NCKAP5L: variants seen among roughly 807,000 people sequenced by gnomAD.
NCKAP5L encodes NCK associated protein 5 like, also known as nck-associated protein 5-like.
Under a neutral mutation model 103.2 loss-of-function variants are expected in NCKAP5L, and 54 were observed. The observed-to-expected ratio is 0.52, with a 90% CI of 0.42 to 0.66. The LOEUF is 0.66. Ranked by LOEUF, NCKAP5L falls within the 30% of genes least tolerant of loss-of-function variation. The pLI is 0.00. For synonymous variants in NCKAP5L, 762 were observed against 748.6 expected (o/e 1.02, Z -0.29); for missense variants, 1,733 against 1,750.6 (o/e 0.99, Z 0.18).
At chr12:49,825,256 A>T (rs1592765242) in intron 1 of NCKAP5L, among the ~76,000 whole-genome samples, 1 of 152,214 alleles carries the variant, frequency 6.6e-6, no homozygotes, top group South Asian at 2.1e-4. Context: ...CCCAAACTCC[A>T]AGTATAGAAA....
chr12:49,814,952 T>C (rs547515947), intron 1 of NCKAP5L, among the ~76,000 whole-genome samples: 1 of 152,264 alleles, frequency 6.6e-6, no homozygotes, highest in South Asian at 2.1e-4. Context: ...ATTTGGGTTG[T>C]TTGATGTTCT....
At chr12:49,804,220 G>A (rs1233343155) in intron 2 of NCKAP5L, 140 bp from the exon 3 acceptor site, 10 of 683,692 alleles carry the variant, frequency 1.5e-5, no homozygotes, top group Non-Finnish European at 1.6e-5. Context: ...TCCTGGTCAC[G>A]GTCACGGGGC....
rs1383375286 is a variant in NCKAP5L, at chr12:49,795,984, C to A, written c.1876G>T (p.Ala626Ser). Residue 626 changes from alanine (A) to serine (S), a missense_variant, in exon 8 of 13, where the codon GCA becomes TCA. Coordinates refer to ENST00000335999, the MANE Select transcript of NCKAP5L (RefSeq NM_001037806.4). ...CCGGGATGGGGAGACTCCGAGCCTG[C>A]CTTGTCCAAACTCTTCTCTTGGGGG... ...GSPQEKSLDK[A>S]GSESPHPGRR... 2.0e-5 allele frequency: 31 copies of A among 1,537,594 alleles called. No individual in the cohort carries two copies. Among genetic ancestry groups the A allele is most frequent in the Non-Finnish European group, 2.4e-5 (28 of 1,148,804 alleles).
rs763619778 is a variant in NCKAP5L at position 49,795,977 on chromosome 12, G to A, written c.1883C>T (p.Ser628Leu). ...PQEKSLDKAG[S>L]ESPHPGRRTP... ...CCTGCGGCCGGGATGGGGAGACTCC[G>A]AGCCTGCCTTGTCCAAACTCTTCTC... The change falls in exon 8 of 13, where the codon TCG becomes TTG. Residue 628 changes from serine (S) to leucine (L), a missense_variant. Physicochemically the swap from Ser to Leu is moderately radical, Grantham distance 145. Coordinates refer to ENST00000335999, the MANE Select transcript of NCKAP5L (RefSeq NM_001037806.4). 1.9e-5 allele frequency: 29 copies of A among 1,536,148 alleles called. No individual in the cohort carries two copies. In the Admixed American group the frequency reaches 2.2e-4, roughly 12 times the overall value.
chr12:49,807,144 C>T (rs1489026787), intron 1 of NCKAP5L, among the ~76,000 whole-genome samples: 3 of 152,226 alleles, frequency 2.0e-5, no homozygotes, highest in Non-Finnish European at 4.4e-5. Context: ...CCCTCCAGCC[C>T]CAGGGCCAGC....
At chr12:49,794,410 TC>T (rs1592746691) in intron 8 of NCKAP5L, among the ~76,000 whole-genome samples, 1 of 152,128 alleles carries the variant, frequency 6.6e-6, no homozygotes, top group East Asian at 1.9e-4. Flanking sequence ...GGAAGAGGAC[TC>T]CCCTTATCCC....
rs150920859 is a variant in NCKAP5L at position 49,818,714 on chromosome 12, C to T, written c.-99+9608G>A. ...GCCAGTGGGTATACGAAAAAATGCT[C>T]GATATCACGAATCATCAGGGAAATG... On this transcript the variant is annotated intron_variant, in intron 1 of 12. Transcript: ENST00000335999. Among the ~76,000 whole-genome samples, 1,461 of 151,952 alleles carry T rather than the reference C, an allele frequency of 9.6e-3. 12 individuals carry two copies. Among genetic ancestry groups the T allele is most frequent in the Middle Eastern group, 0.02 (6 of 294 alleles).
At position 49,814,162 on chromosome 12, in the gene NCKAP5L, A is replaced by T. The variant is rs4304864; in HGVS notation, c.-98-8121T>A. 5.4e-3 allele frequency among the ~76,000 whole-genome samples: 179 copies of T among 33,108 alleles called. 1 individual carries two copies. The highest frequency in any genetic ancestry group is 0.051 in the African/African-American group (127 of 2,496). 21.7% of individuals were successfully genotyped at this position (33,108 alleles called of 152,430 possible). A position where few individuals can be genotyped will look rare whatever the true frequency, so the allele number is the denominator to read the frequency against. On this transcript the variant is annotated intron_variant, in intron 1 of 12. Coordinates refer to ENST00000335999, the MANE Select transcript of NCKAP5L (RefSeq NM_001037806.4). ...GATACAAGTCCTTTATTTTATATTT[A>T]TATATATATATATATATATGATTTG...
chr12:49,800,541 T>C (rs190353545), intron 6 of NCKAP5L, among the ~76,000 whole-genome samples: 5 of 152,246 alleles, frequency 3.3e-5, no homozygotes, highest in Non-Finnish European at 5.9e-5. Context: ...TGCCACTGAC[T>C]GACTATCTAC....
Position 49,795,113 on chromosome 12 carries a change from C to G in NCKAP5L, c.2747G>C (p.Ser916Thr), listed in dbSNP as rs779698734. Residue 916 changes from serine to threonine, a missense_variant, in exon 8 of 13, where the codon AGC (serine) becomes ACC (threonine). By Grantham distance (58) the Ser-to-Thr change is moderately conservative (BLOSUM62 1). Coordinates refer to ENST00000335999, the MANE Select transcript of NCKAP5L (RefSeq NM_001037806.4). ...CTTAAGGCCGAACCAGCTGGCGATGCTGCTGGTGTTGCGGTGCTTGACCTC... is the reference window on the plus strand; with the variant it reads ...CTTAAGGCCGAACCAGCTGGCGATGGTGCTGGTGTTGCGGTGCTTGACCTC... ...GAEVKHRNTS[S>T]IASWFGLKKS... 1.2e-6 allele frequency: 2 copies of G among 1,613,394 alleles called. No individual in the cohort carries two copies. The highest frequency in any genetic ancestry group is 1.1e-5 in the South Asian group (1 of 91,086).
chr12:49,795,159 G>C lies in NCKAP5L; in HGVS notation c.2701C>G (p.Gln901Glu). The C allele has an allele frequency of 6.2e-7, 1 of 1,607,764 alleles. No homozygotes were observed. The highest frequency in any genetic ancestry group is 8.5e-7 in the Non-Finnish European group (1 of 1,177,950). Residue 901 changes from glutamine (Q) to glutamate (E), a missense_variant, in exon 8 of 13, where the codon CAG (glutamine) becomes GAG (glutamate). Physicochemically the swap from Gln to Glu is conservative, Grantham distance 29 (BLOSUM62 2). Coordinates refer to ENST00000335999, the MANE Select transcript of NCKAP5L (RefSeq NM_001037806.4). ...IEENVLRLQG[Q>E]ERAPGAEVKH... ...ACCTCGGCGCCAGGGGCTCGCTCCT[G>C]GCCCTGGAGCCGCAGCACGTTCTCC...
rs1280058356 is a variant in NCKAP5L at position 49,796,540 on chromosome 12, A to C, written c.1320T>G (p.Ser440=). The C allele has an allele frequency of 5.7e-6, 9 of 1,584,616 alleles. No individual in the cohort carries two copies. In the South Asian group the frequency reaches 1.0e-4, roughly 18 times the overall value. Residue 440 remains serine, a synonymous_variant, in exon 8 of 13, where the codon TCT becomes TCG. Transcript: ENST00000335999. ...VKSKLQIGPP[S]PGEAQGPLLP... Reference sequence around the variant, plus strand: ...GAAGGGGTCCCTGAGCTTCCCCAGGAGAAGGGGGGCCAATTTGGAGCTTGC... The same window carrying C: ...GAAGGGGTCCCTGAGCTTCCCCAGGCGAAGGGGGGCCAATTTGGAGCTTGC...
At chr12:49,821,344 C>T (rs549748408) in intron 1 of NCKAP5L, among the ~76,000 whole-genome samples, 29 of 152,020 alleles carry the variant, frequency 1.9e-4, no homozygotes, top group Middle Eastern at 3.2e-3. Context: ...AAATAGAAGA[C>T]GATGTGATGC....
intron 3 of NCKAP5L, 83 bp downstream of exon 3, chr12:49,803,839 G>T: frequency 6.6e-7 from 1 of 1,521,382 alleles, no homozygotes; most frequent in Non-Finnish European, 8.8e-7. Context: ...CCAAAAACCT[G>T]CAGGAAGCTC....
chr12:49,813,807 C>T lies in NCKAP5L; in HGVS notation c.-98-7766G>A, dbSNP rs146674292. Among the ~76,000 whole-genome samples, 1,378 of 152,228 alleles carry T rather than the reference C, an allele frequency of 9.1e-3. 23 individuals carry two copies. Among genetic ancestry groups the T allele is most frequent in the African/African-American group, 0.031 (1,300 of 41,522 alleles). ...CCTTCCAAAGTGCTGGGATTACAGG[C>T]ATGAGACACTGCGCCTGGCCTACAT... On this transcript the variant is annotated intron_variant, in intron 1 of 12. Transcript: ENST00000335999.
intron 1 of NCKAP5L, among the ~76,000 whole-genome samples, chr12:49,809,259 G>T (rs1481581601): frequency 1.3e-5 from 2 of 152,144 alleles, no homozygotes; most frequent in Non-Finnish European, 2.9e-5. Context: ...GACCAGAAGG[G>T]GTCTGTGGCT....
chr12:49,796,719 A>C lies in NCKAP5L; in HGVS notation c.1141T>G (p.Trp381Gly), dbSNP rs762321235. Residue 381 changes from tryptophan (W) to glycine (G), a missense_variant, in exon 8 of 13, where the codon TGG becomes GGG. Coordinates refer to ENST00000335999, the MANE Select transcript of NCKAP5L (RefSeq NM_001037806.4). Reference sequence around the variant, plus strand: ...TGGGCCTCTGGGGTACCCCCACCCCAAGCTGACTTGGGGAGGCCTTTGGAC... The same window carrying C: ...TGGGCCTCTGGGGTACCCCCACCCCCAGCTGACTTGGGGAGGCCTTTGGAC... ...SKSKGLPKSA[W>G]GGGTPEAHRP... The C allele has an allele frequency of 6.2e-7, 1 of 1,606,188 alleles. No individual in the cohort carries two copies. Among genetic ancestry groups the C allele is most frequent in the South Asian group, 1.1e-5 (1 of 90,428 alleles).
rs114245247 is a variant in NCKAP5L, at chr12:49,803,416, G to C, written c.124-251C>G. Among the ~76,000 whole-genome samples the C allele has an allele frequency of 3.7e-3, 561 of 152,298 alleles. 4 individuals carry two copies. The highest frequency in any genetic ancestry group is 0.013 in the African/African-American group (526 of 41,552). ...GTCAGTGGCAATGGGGGCTCTGGGGGATACAGTGGCCAAGTAGACCTGAGG... is the reference window on the plus strand; with the variant it reads ...GTCAGTGGCAATGGGGGCTCTGGGGCATACAGTGGCCAAGTAGACCTGAGG... On this transcript the variant is annotated intron_variant, in intron 3 of 12. Coordinates refer to ENST00000335999, the MANE Select transcript of NCKAP5L (RefSeq NM_001037806.4).
chr12:49,816,594 T>C (rs547816057), intron 1 of NCKAP5L, among the ~76,000 whole-genome samples: 3 of 151,122 alleles, frequency 2.0e-5, no homozygotes, highest in Non-Finnish European at 4.4e-5. Flanking sequence ...GGTCAGGAGT[T>C]CGAGTCCAGC....
Sources: allele counts gnomAD v4.1 joint callset (sites outside exome capture counted in the v4.1 genomes callset), GRCh38; gene constraint gnomAD v4.1.1; transcripts MANE v1.5; gene names NCBI Gene and HGNC (gene_info 2026-07-23, HGNC 2026-07-21).